The following CEMIP variants were observed in gnomAD, a reference collection of about 807,000 sequenced individuals.
CEMIP encodes cell migration-inducing and hyaluronan-binding protein.
A neutral mutation model predicts 156.9 loss-of-function variants in CEMIP; 105 were observed. The ratio of observed to expected loss-of-function variants is 0.67; its 90% CI spans 0.57 to 0.79. The LOEUF (loss-of-function observed/expected upper bound fraction) is 0.79. CEMIP is among the 30% of genes least tolerant of loss of function. The pLI is 0.00. For synonymous variants in CEMIP, 676 were observed against 668.4 expected (o/e 1.01, Z -0.17); for missense variants, 1,457 against 1,769.4 (o/e 0.82, Z 3.17).
chr15:80,864,456 G>A (rs568737288), intron 1 of CEMIP, among the ~76,000 whole-genome samples: 19 of 152,326 alleles, frequency 1.2e-4, no homozygotes, highest in African/African-American at 3.6e-4. Flanking sequence ...AGCTGCATCC[G>A]TCACTGCCCG....
intron 22 of CEMIP, among the ~76,000 whole-genome samples, 169 bp from the exon 23 acceptor site, chr15:80,933,076 C>T (rs888090777): frequency 2.0e-4 from 31 of 152,328 alleles, no homozygotes; most frequent in African/African-American, 7.2e-4. Flanking sequence ...ACTGTGACTC[C>T]GGTTGCATCG....
At chr15:80,894,906 G>A in intron 10 of CEMIP, 84 bp from the exon 11 acceptor site, 1 of 1,513,876 alleles carries the variant, frequency 6.6e-7, no homozygotes, top group East Asian at 2.3e-5. Flanking sequence ...AGACTTCTGA[G>A]TATATGTTTA....
chr15:80,834,971 T>C (rs1033651316), intron 1 of CEMIP, among the ~76,000 whole-genome samples: 4 of 152,184 alleles, frequency 2.6e-5, no homozygotes, highest in African/African-American at 9.7e-5. Flanking sequence ...AAAAAGAGCA[T>C]GTGGCAGCTT....
intron 14 of CEMIP, among the ~76,000 whole-genome samples, chr15:80,916,279 T>C (rs1048801678): frequency 6.6e-6 from 1 of 152,202 alleles, no homozygotes; most frequent in African/African-American, 2.4e-5. Context: ...AAGCAGTCGC[T>C]ACTGGCTCTT....
At chr15:80,934,909 T>C (rs1337812425) in intron 23 of CEMIP, among the ~76,000 whole-genome samples, 1 of 152,178 alleles carries the variant, frequency 6.6e-6, no homozygotes. Context: ...TTGAGGAAAG[T>C]AACCTCCAGA....
At chr15:80,826,648 TATA>T (rs1233898047) in intron 1 of CEMIP, among the ~76,000 whole-genome samples, 1 of 152,172 alleles carries the variant, frequency 6.6e-6, no homozygotes, top group African/African-American at 2.4e-5. Context: ...ATAATTAGGG[TATA>T]ATAAGTATTA....
At chr15:80,807,230 AT>A (rs5814038) in intron 1 of CEMIP, among the ~76,000 whole-genome samples, 33,381 of 138,926 alleles carry the variant, frequency 0.24, 4,060 homozygotes, top group East Asian at 0.47. Flanking sequence ...TCTAGAGAGG[AT>A]TTTTTTTTTT....
intron 1 of CEMIP, among the ~76,000 whole-genome samples, chr15:80,818,303 T>A (rs539601416): frequency 6.6e-6 from 1 of 152,312 alleles, no homozygotes; most frequent in Non-Finnish European, 1.5e-5. Context: ...ACACTGGCTC[T>A]TAAGACTTCA....
In CEMIP at chr15:80,880,911, G is replaced by T; in HGVS notation, c.392G>T (p.Gly131Val). Residue 131 changes from glycine to valine, a missense_variant, in exon 6 of 30, where the codon GGT becomes GTT. Physicochemically the swap from Gly to Val is moderately radical, Grantham distance 109. Coordinates refer to ENST00000394685, the MANE Select transcript of CEMIP (RefSeq NM_001293298.2). Reference protein sequence around the residue: ...TIILYGRADEGIQPDPYYGLK... With the variant: ...TIILYGRADEVIQPDPYYGLK... ...GTTTTCTCTTGCAGGGCTGATGAAG[G>T]TATTCAGCCGGATCCTTACTATGGT... 6.2e-7 allele frequency: 1 copy of T among 1,613,474 alleles called. No homozygotes were observed. The highest frequency in any genetic ancestry group is 1.1e-5 in the South Asian group (1 of 91,062).
At chr15:80,847,312 G>T (rs908476593) in intron 1 of CEMIP, among the ~76,000 whole-genome samples, 2 of 152,222 alleles carry the variant, frequency 1.3e-5, no homozygotes, top group Admixed American at 1.3e-4. Flanking sequence ...GCCTCCCAAA[G>T]TGTTGAAACT....
chr15:80,787,826 G>A (rs1895978758), intron 1 of CEMIP, among the ~76,000 whole-genome samples: 1 of 152,204 alleles, frequency 6.6e-6, no homozygotes, highest in Admixed American at 6.5e-5. Context: ...CTTCTCTCCA[G>A]CTTCCAGAGG....
At chr15:80,828,335 G>A (rs550885383) in intron 1 of CEMIP, among the ~76,000 whole-genome samples, 46 of 151,782 alleles carry the variant, frequency 3.0e-4, no homozygotes, top group Admixed American at 5.9e-4. Flanking sequence ...AGCTGAGATT[G>A]TGCCACTGCA....
chr15:80,824,845 G>C (rs1226758698), intron 1 of CEMIP, among the ~76,000 whole-genome samples: 1 of 152,216 alleles, frequency 6.6e-6, no homozygotes, highest in Non-Finnish European at 1.5e-5. Flanking sequence ...ATAGTAAGCA[G>C]ACTAGTTGGG....
In CEMIP at chr15:80,896,049, T is replaced by C. The variant is rs779906770; in HGVS notation, c.1400T>C (p.Val467Ala). 6.2e-7 allele frequency: 1 copy of C among 1,613,960 alleles called. No homozygotes were observed. Among genetic ancestry groups the C allele is most frequent in the Non-Finnish European group, 8.5e-7 (1 of 1,180,018 alleles). Residue 467 changes from valine to alanine, a missense_variant, in exon 12 of 30, where the codon GTC (valine) becomes GCC (alanine). By Grantham distance (64) the Val-to-Ala change is moderately conservative. Around this residue, in one of 5 missense-constraint regions of CEMIP, gnomAD observed 280 missense variants for 300.3 expected, o/e 0.93. Coordinates refer to ENST00000394685, the MANE Select transcript of CEMIP (RefSeq NM_001293298.2). Reference sequence around the variant, plus strand: ...TGCAGATCCTGCGCCCCCAACCAGGTCAAAGTGGCAGGTAGGACTTTTACT... The same window carrying C: ...TGCAGATCCTGCGCCCCCAACCAGGCCAAAGTGGCAGGTAGGACTTTTACT... ...LPCRSCAPNQ[V>A]KVAGKPMYLH... is the part of the protein sequence containing the mutation.
At chr15:80,854,206 C>A (rs917936310) in intron 1 of CEMIP, among the ~76,000 whole-genome samples, 1 of 152,260 alleles carries the variant, frequency 6.6e-6, no homozygotes, top group African/African-American at 2.4e-5. Flanking sequence ...CCAACTGAAG[C>A]CTCTGGAAGA....
Position 80,933,258 on chromosome 15 carries a change from T to C in CEMIP, c.2807T>C (p.Val936Ala), listed in dbSNP as rs1172643911. The C allele has an allele frequency of 1.9e-6, 3 of 1,614,088 alleles. No homozygotes were observed. The highest frequency in any genetic ancestry group is 2.5e-6 in the Non-Finnish European group (3 of 1,179,950). The change falls in exon 23 of 30, where the codon GTG becomes GCG. Residue 936 changes from valine (V) to alanine (A), a missense_variant. Val to Ala is a moderately conservative substitution (Grantham distance 64). Transcript: ENST00000394685. ...AFEDVPITSR[V>A]FFGEPGPWFN... ...GGCTCTGTTTAGATTACTTCCAGAG[T>C]GTTCTTCGGAGAGCCTGGGCCCTGG...
At chr15:80,889,707 G>A (rs1419290235) in intron 10 of CEMIP, 115 bp downstream of exon 10, 1 of 1,354,572 alleles carries the variant, frequency 7.4e-7, no homozygotes, top group East Asian at 2.4e-5. Flanking sequence ...CCTCCTGTGA[G>A]GTAGGTCAGC....
At chr15:80,921,187 G>A (rs1900458047) in intron 16 of CEMIP, 86 bp downstream of exon 16, 2 of 1,229,208 alleles carry the variant, frequency 1.6e-6, no homozygotes, top group Non-Finnish European at 2.3e-6. Context: ...TGAAACATGT[G>A]TGCTCTGAGC....
intron 1 of CEMIP, among the ~76,000 whole-genome samples, chr15:80,801,050 T>C (rs570681869): frequency 1.3e-5 from 2 of 152,248 alleles, no homozygotes; most frequent in East Asian, 1.9e-4. Context: ...ATCTTGCTGC[T>C]GTAAATGCTG....
Sources: gnomAD v4.1 joint callset for allele counts (sites outside exome capture counted in the v4.1 genomes callset) on GRCh38, gnomAD v4.1.1 for gene constraint, gnomAD v4.1.1 regional missense constraint, MANE v1.5 for transcripts, NCBI Gene and HGNC (gene_info 2026-07-23, HGNC 2026-07-21) for gene names.